The following SUPT6H variants were observed in gnomAD, a reference collection of about 807,000 sequenced individuals.
SUPT6H encodes the protein SPT6 homolog, histone chaperone and transcription elongation factor.
In SUPT6H, 11 loss-of-function variants were observed where a neutral mutation model predicts 222.3. The ratio of observed to expected loss-of-function variants is 0.05; its 90% confidence interval spans 0.03 to 0.08. SUPT6H has a LOEUF of 0.08. Ranked by LOEUF, SUPT6H falls within the 10% of genes least tolerant of loss-of-function variation. The probability of loss-of-function intolerance (pLI) is 1.00; values close to 1 mark genes in which losing one functional copy is unlikely to be tolerated. For synonymous variants in SUPT6H, 762 were observed against 801.2 expected, an observed-to-expected ratio of 0.95 and a Z score of 0.83; for missense variants, 1,422 against 2,216.0, an observed-to-expected ratio of 0.64 and a Z score of 7.19.
In SUPT6H at chr17:28,681,867, A is replaced by C. The variant is rs752159607; in HGVS notation, c.1499-15A>C. On this transcript the variant is annotated splice_polypyrimidine_tract_variant and intron_variant, in intron 12 of 36. Transcript: ENST00000314616. ...GGAAACTAGAACCCTAAATCTCCCC[A>C]TGTTTTCTTCCCAGGTGAAGGTGAC... 2 of 1,599,380 alleles carry C rather than the reference A, an allele frequency of 1.3e-6. No homozygotes were observed. The highest frequency in any genetic ancestry group is 1.3e-5 in the African/African-American group (1 of 74,822).
rs2032000699 is a variant in SUPT6H at position 28,698,145 on chromosome 17, A to G, written c.4448+115A>G. On this transcript the variant is annotated intron_variant, in intron 32 of 36. Transcript: ENST00000314616. ...TCTGCTGGACTGCCTTTCTCCTCTCATCTGTTTAGAACAGAGGTGGAGGTT... is the reference window on the plus strand; with the variant it reads ...TCTGCTGGACTGCCTTTCTCCTCTCGTCTGTTTAGAACAGAGGTGGAGGTT... The G allele has an allele frequency of 2.9e-6, 4 of 1,373,708 alleles. No individual in the cohort carries two copies. In the East Asian group the frequency reaches 7.5e-5, roughly 26 times the overall value. 85.1% of individuals were successfully genotyped at this position (1,373,708 alleles called of 1,614,324 possible).
At chr17:28,683,983 C>G (rs891701546) in intron 17 of SUPT6H, among the ~76,000 whole-genome samples, 167 bp downstream of exon 17, 3 of 151,902 alleles carry the variant, frequency 2.0e-5, no homozygotes, top group African/African-American at 7.3e-5. Flanking sequence ...CTACAGGCGC[C>G]CACCACCATG....
chr17:28,690,023 C>A, intron 25 of SUPT6H, 59 bp from the exon 26 acceptor site: 1 of 1,569,198 alleles, frequency 6.4e-7, no homozygotes, highest in South Asian at 1.2e-5. Context: ...CCACGGGACT[C>A]CTTGAGGCTC....
chr17:28,689,822 G>A (rs533383225), intron 25 of SUPT6H, among the ~76,000 whole-genome samples: 4 of 152,192 alleles, frequency 2.6e-5, no homozygotes, highest in East Asian at 1.9e-4. Flanking sequence ...TACAGTTTCC[G>A]TCTAGGCCCC....
At chr17:28,691,109 ATGAT>A (rs750303768) in intron 27 of SUPT6H, 46 bp downstream of exon 27, 1 of 1,588,314 alleles carries the variant, frequency 6.3e-7, no homozygotes, top group Non-Finnish European at 8.6e-7. Context: ...CCTTGGTTGA[ATGAT>A]CTCGGTGCCT....
chr17:28,684,525 G>A, intron 17 of SUPT6H, 61 bp from the exon 18 acceptor site: 1 of 1,599,138 alleles, frequency 6.3e-7, no homozygotes, highest in Non-Finnish European at 8.6e-7. Flanking sequence ...TAGCACTCTT[G>A]GTGAGCCTGA....
intron 4 of SUPT6H, 39 bp from the exon 5 acceptor site, chr17:28,674,931 C>A: frequency 1.9e-6 from 3 of 1,599,108 alleles, no homozygotes; most frequent in Admixed American, 3.4e-5. Context: ...GTATGCCAGA[C>A]TCCTCAGATC....
chr17:28,701,163 TG>T (rs751364926), intron 36 of SUPT6H, 35 bp downstream of exon 36: 14 of 1,576,746 alleles, frequency 8.9e-6, no homozygotes, highest in Non-Finnish European at 1.2e-5. Flanking sequence ...TGCAGGTCAG[TG>T]GTAGGGGCAG....
intron 1 of SUPT6H, among the ~76,000 whole-genome samples, chr17:28,665,881 A>C (rs150646034): frequency 0.015 from 2,292 of 152,292 alleles, 50 homozygotes; most frequent in African/African-American, 0.051. Context: ...ACACCACTGC[A>C]CTCCAGTCTG....
At chr17:28,691,106 T>G (rs2031621599) in intron 27 of SUPT6H, 43 bp downstream of exon 27, 1 of 1,593,636 alleles carries the variant, frequency 6.3e-7, no homozygotes, top group Non-Finnish European at 8.6e-7. Context: ...TTTCCTTGGT[T>G]GAATGATCTC....
intron 16 of SUPT6H, 80 bp downstream of exon 16, chr17:28,683,502 G>A (rs2031226231): frequency 1.9e-6 from 3 of 1,590,582 alleles, no homozygotes; most frequent in East Asian, 2.2e-5. Context: ...CCTCAGGAGT[G>A]GGGAACCACA....
chr17:28,669,328 A>G (rs2030274049), intron 1 of SUPT6H, among the ~76,000 whole-genome samples: 2 of 152,024 alleles, frequency 1.3e-5, no homozygotes, highest in South Asian at 4.2e-4. Flanking sequence ...AATAGCTGGG[A>G]CTACAGGCGC....
At chr17:28,671,277 G>A (rs919686589) in intron 1 of SUPT6H, 1 of 152,230 alleles carries the variant, frequency 6.6e-6, no homozygotes, top group Non-Finnish European at 1.5e-5. Context: ...TAATTTGTTA[G>A]CAGCTAATTT....
intron 36 of SUPT6H, 95 bp from the exon 37 acceptor site, chr17:28,701,344 C>T (rs2032125571): frequency 6.7e-7 from 1 of 1,496,630 alleles, no homozygotes; most frequent in African/African-American, 1.4e-5. Context: ...GGCTGCTGCC[C>T]ATAGGTATGA....
intron 35 of SUPT6H, 64 bp from the exon 36 acceptor site, chr17:28,700,877 G>A: frequency 6.5e-7 from 1 of 1,544,374 alleles, no homozygotes; most frequent in Non-Finnish European, 8.8e-7. Flanking sequence ...CGCTTACCCA[G>A]AATTCACAGC....
At position 28,701,102 on chromosome 17, in the gene SUPT6H, C is replaced by G; in HGVS notation, c.4968C>G (p.Ser1656Arg). ...AGGCCCAGCCCCAGCCCTCTTCCAG[C>G]TCCCGGCAACGGCAGCAGCAGCCAA... ...SAQAQPQPSS[S>R]SRQRQQQPKS... Residue 1656 changes from serine (S) to arginine (R), a missense_variant, in exon 36 of 37, where the codon AGC becomes AGG. Ser to Arg is a moderately radical substitution (Grantham distance 110). Coordinates refer to ENST00000314616, the MANE Select transcript of SUPT6H (RefSeq NM_003170.5). 6.2e-7 allele frequency: 1 copy of G among 1,612,176 alleles called. No homozygotes were observed. Among genetic ancestry groups the G allele is most frequent in the Non-Finnish European group, 8.5e-7 (1 of 1,179,564 alleles).
At position 28,684,870 on chromosome 17, in the gene SUPT6H, T is replaced by G; in HGVS notation, c.2396T>G (p.Val799Gly). 1 of 1,614,184 alleles carries G rather than the reference T, an allele frequency of 6.2e-7. No homozygotes were observed. The highest frequency in any genetic ancestry group is 8.5e-7 in the Non-Finnish European group (1 of 1,180,042). Residue 799 changes from valine (V) to glycine (G), a missense_variant, in exon 19 of 37, where the codon GTC becomes GGC. Physicochemically the swap from Val to Gly is moderately radical, Grantham distance 109. Coordinates refer to ENST00000314616, the MANE Select transcript of SUPT6H (RefSeq NM_003170.5). ...GATCACCCTGTGTTCTGCGCCCTGG[T>G]CAATGGTGAAGGAGAAGTGACAGAC... ...ARDHPVFCAL[V>G]NGEGEVTDFL...
At chr17:28,699,627 C>CT (rs1029294072) in intron 32 of SUPT6H, among the ~76,000 whole-genome samples, 154 bp from the exon 33 acceptor site, 18 of 152,318 alleles carry the variant, frequency 1.2e-4, no homozygotes, top group African/African-American at 4.1e-4. Context: ...CCATGTGCTG[C>CT]TCACCTCCCT....
chr17:28,694,197 G>T (rs1032584659), intron 28 of SUPT6H, among the ~76,000 whole-genome samples: 5 of 152,176 alleles, frequency 3.3e-5, no homozygotes, highest in African/African-American at 4.8e-5. Context: ...TTTAGAGGGT[G>T]GGAAATAATG....
Sources: allele counts gnomAD v4.1 joint callset (sites outside exome capture counted in the v4.1 genomes callset), GRCh38; gene constraint gnomAD v4.1.1; transcripts MANE v1.5; gene names NCBI Gene and HGNC (gene_info 2026-07-23, HGNC 2026-07-21).